Variants in DTL observed in about 807,000 individuals in gnomAD.
DTL encodes denticleless protein homolog.
A neutral mutation model predicts 87.0 loss-of-function variants in DTL; 46 were observed. The observed-to-expected ratio is 0.53, with a 90% CI of 0.42 to 0.68. The LOEUF (loss-of-function observed/expected upper bound fraction) is 0.68. DTL is among the 30% of genes least tolerant of loss of function. The probability of loss-of-function intolerance (pLI) is 0.00; values close to 1 mark genes in which losing one functional copy is unlikely to be tolerated. For synonymous variants in DTL, 308 were observed against 311.2 expected (o/e 0.99, Z 0.11); for missense variants, 737 against 869.4 (o/e 0.85, Z 1.91).
Position 212,075,515 on chromosome 1 carries a change from A to G in DTL, c.1036-2658A>G, listed in dbSNP as rs565710542. ...TTATAATAATGTAGGGACAATAAATAAAAATTTATTTGAATAAAAATGAAG... is the reference window on the plus strand; with the variant it reads ...TTATAATAATGTAGGGACAATAAATGAAAATTTATTTGAATAAAAATGAAG... On this transcript the variant is annotated intron_variant, in intron 11 of 14. Coordinates refer to ENST00000366991, the MANE Select transcript of DTL (RefSeq NM_016448.4). Among the ~76,000 whole-genome samples, 4 of 152,306 alleles carry G rather than the reference A, an allele frequency of 2.6e-5. No individual in the cohort carries two copies. In the East Asian group the frequency reaches 5.8e-4, roughly 22 times the overall value.
At chr1:212,059,105 GAACT>G (rs1174257428) in intron 5 of DTL, among the ~76,000 whole-genome samples, 1 of 152,018 alleles carries the variant, frequency 6.6e-6, no homozygotes, top group African/African-American at 2.4e-5. Context: ...AACTTTTAAA[GAACT>G]AACACCAGTT....
At chr1:212,063,077 A>T in intron 6 of DTL, 128 bp downstream of exon 6, 1 of 692,970 alleles carries the variant, frequency 1.4e-6, no homozygotes, top group Non-Finnish European at 2.6e-6. Flanking sequence ...ATTTCTGCTC[A>T]CTGTTCCAGA....
At chr1:212,095,127 A>G (rs1370091221) in intron 13 of DTL, among the ~76,000 whole-genome samples, 2 of 152,018 alleles carry the variant, frequency 1.3e-5, no homozygotes, top group Non-Finnish European at 2.9e-5. Flanking sequence ...TTCCACTACT[A>G]TGTTGAATAG....
Position 212,061,634 on chromosome 1 carries a change from G to A in DTL, c.461-1250G>A, listed in dbSNP as rs12046300. Among the ~76,000 whole-genome samples, 186 of 152,264 alleles carry A rather than the reference G, an allele frequency of 1.2e-3. 4 individuals carry two copies. In the East Asian group the frequency reaches 0.028, roughly 23 times the overall value. ...CACTATTCACAATAGCCAAGATATGGAATCAACCTGTCTATTAACGAACAA... is the reference window on the plus strand; with the variant it reads ...CACTATTCACAATAGCCAAGATATGAAATCAACCTGTCTATTAACGAACAA... On this transcript the variant is annotated intron_variant, in intron 5 of 14. Coordinates refer to ENST00000366991, the MANE Select transcript of DTL (RefSeq NM_016448.4).
At chr1:212,071,219 T>C (rs973862537) in intron 10 of DTL, among the ~76,000 whole-genome samples, 1 of 152,230 alleles carries the variant, frequency 6.6e-6, no homozygotes, top group African/African-American at 2.4e-5. Context: ...TGGGAAGCTG[T>C]TAAGTCCCCT....
intron 11 of DTL, among the ~76,000 whole-genome samples, chr1:212,073,511 CAG>C (rs1347116082): frequency 3.3e-5 from 5 of 152,092 alleles, no homozygotes; most frequent in African/African-American, 4.8e-5. Context: ...TTTTTTAGGA[CAG>C]GGGTAAAACC....
chr1:212,040,812 A>G (rs543308831), intron 1 of DTL, among the ~76,000 whole-genome samples: 229 of 152,382 alleles, frequency 1.5e-3, no homozygotes, highest in African/African-American at 5.4e-3. Flanking sequence ...CATATCCTGG[A>G]CAGGTCAGGG....
chr1:212,048,278 C>T (rs1667864256), intron 5 of DTL, among the ~76,000 whole-genome samples: 1 of 152,132 alleles, frequency 6.6e-6, no homozygotes, highest in Non-Finnish European at 1.5e-5. Context: ...CAGCCTCCAT[C>T]CCCCGGGTTC....
At chr1:212,041,997 T>A (rs1307363005) in intron 1 of DTL, among the ~76,000 whole-genome samples, 1 of 152,196 alleles carries the variant, frequency 6.6e-6, no homozygotes, top group Admixed American at 6.5e-5. Context: ...CAGGCTAAGA[T>A]GTATTCTCCA....
chr1:212,040,953 C>A (rs994641437), intron 1 of DTL, among the ~76,000 whole-genome samples: 1 of 152,182 alleles, frequency 6.6e-6, no homozygotes, highest in Non-Finnish European at 1.5e-5. Flanking sequence ...CCACAAAAAG[C>A]GAAACCACGG....
At chr1:212,072,303 C>T in intron 11 of DTL, 90 bp downstream of exon 11, 1 of 975,580 alleles carries the variant, frequency 1.0e-6, no homozygotes, top group Non-Finnish European at 1.6e-6. Context: ...TTAATGTAAC[C>T]ACGTGCTATA....
chr1:212,095,065 A>G (rs929394665), intron 13 of DTL, among the ~76,000 whole-genome samples: 1 of 152,112 alleles, frequency 6.6e-6, no homozygotes, highest in African/African-American at 2.4e-5. Flanking sequence ...CTCTTTACCA[A>G]TTTGGATGCC....
At chr1:212,052,152 C>T in intron 5 of DTL, 1 of 642,116 alleles carries the variant, frequency 1.6e-6, no homozygotes, top group South Asian at 1.8e-5. Flanking sequence ...TTGTTAAAAT[C>T]ATTTCCCTGT....
intron 11 of DTL, among the ~76,000 whole-genome samples, chr1:212,073,163 A>G (rs1006335653): frequency 8.5e-5 from 13 of 152,226 alleles, no homozygotes; most frequent in African/African-American, 3.1e-4. Flanking sequence ...AGTGGAGAAA[A>G]TAAAAATGTT....
chr1:212,087,839 G>A (rs1002053306), intron 13 of DTL, among the ~76,000 whole-genome samples: 27 of 152,126 alleles, frequency 1.8e-4, no homozygotes, highest in Admixed American at 5.9e-4. Flanking sequence ...TGCTGTCCTG[G>A]GCTGCTTATC....
chr1:212,075,146 G>A (rs1654792371), intron 11 of DTL, among the ~76,000 whole-genome samples: 1 of 152,126 alleles, frequency 6.6e-6, no homozygotes, highest in Non-Finnish European at 1.5e-5. Flanking sequence ...ATAAAGATTA[G>A]ACTTGGTTTC....
chr1:212,072,273 C>A (rs1654696990), intron 11 of DTL, 60 bp downstream of exon 11: 2 of 1,293,582 alleles, frequency 1.5e-6, no homozygotes, highest in Admixed American at 3.4e-5. Context: ...AATATTTGTT[C>A]TGTCCAATAT....
At chr1:212,064,235 C>T (rs1325287364) in intron 6 of DTL, among the ~76,000 whole-genome samples, 2 of 152,024 alleles carry the variant, frequency 1.3e-5, no homozygotes, top group Non-Finnish European at 2.9e-5. Context: ...GTTTTAGGTT[C>T]ACAGCAAAAC....
intron 13 of DTL, among the ~76,000 whole-genome samples, chr1:212,085,392 G>A (rs1258010444): frequency 1.3e-5 from 2 of 152,156 alleles, no homozygotes; most frequent in Admixed American, 6.5e-5. Context: ...TTTTCCTGAT[G>A]GCCAGTGATG....
Sources: gnomAD v4.1 joint callset for allele counts (sites outside exome capture counted in the v4.1 genomes callset) on GRCh38, gnomAD v4.1.1 for gene constraint, MANE v1.5 for transcripts, NCBI Gene and HGNC (gene_info 2026-07-23, HGNC 2026-07-21) for gene names.